Variants in FGD4 observed in about 807,000 individuals in gnomAD.
FGD4 encodes FYVE, RhoGEF and PH domain-containing protein 4.
FGD4 carries 42 observed loss-of-function variants against 102.0 expected under a neutral mutation model. That is an observed-to-expected ratio of 0.41 (90% CI 0.32 to 0.53). The LOEUF is 0.53. Ranked by LOEUF, FGD4 falls within the 20% of genes least tolerant of loss-of-function variation. The pLI is 0.21. For missense variants in FGD4, 902 were observed against 1,078.2 expected (o/e 0.84, Z 2.29); for synonymous variants, 380 against 375.7 (o/e 1.01, Z -0.13).
chr12:32,489,989 A>G (rs890469074), intron 1 of FGD4, among the ~76,000 whole-genome samples: 1 of 152,028 alleles, frequency 6.6e-6, no homozygotes, highest in Admixed American at 6.6e-5. Flanking sequence ...CTTTTCCTTT[A>G]CAGGTAGGTC....
At chr12:32,637,104 G>A (rs1394727576) in intron 15 of FGD4, among the ~76,000 whole-genome samples, 1 of 135,778 alleles carries the variant, frequency 7.4e-6, no homozygotes, top group Non-Finnish European at 1.5e-5. Flanking sequence ...GGCCAGGCTT[G>A]TCTCAAACTC....
intron 1 of FGD4, among the ~76,000 whole-genome samples, chr12:32,505,411 G>A (rs1012762551): frequency 4.6e-5 from 7 of 152,324 alleles, no homozygotes; most frequent in African/African-American, 1.7e-4. Context: ...GGTTTCATTT[G>A]GCAGGCTTTT....
intron 1 of FGD4, among the ~76,000 whole-genome samples, chr12:32,538,296 TAC>T (rs1942486993): frequency 1.3e-5 from 2 of 152,360 alleles, no homozygotes; most frequent in South Asian, 4.1e-4. Context: ...AACTAATAGA[TAC>T]TGGGTGCTTT....
intron 1 of FGD4, among the ~76,000 whole-genome samples, chr12:32,410,931 C>CT (rs747780109): frequency 0.11 from 13,412 of 126,856 alleles, 2,331 homozygotes; most frequent in African/African-American, 0.36. Flanking sequence ...TTTTTTTTTT[C>CT]TTTTTTTTTT....
chr12:32,425,176 G>A (rs1188147757), intron 1 of FGD4, among the ~76,000 whole-genome samples: 1 of 152,168 alleles, frequency 6.6e-6, no homozygotes, highest in Non-Finnish European at 1.5e-5. Flanking sequence ...TATTGCTTAG[G>A]TTTTCTTCTA....
intron 1 of FGD4, among the ~76,000 whole-genome samples, chr12:32,403,427 T>C (rs1039086567): frequency 8.5e-5 from 13 of 152,102 alleles, no homozygotes; most frequent in Non-Finnish European, 7.3e-5. Context: ...CGTTTCTTCA[T>C]CTGGACAACA....
chr12:32,505,933 TC>T (rs1221666831), intron 1 of FGD4, among the ~76,000 whole-genome samples: 2 of 152,212 alleles, frequency 1.3e-5, no homozygotes, highest in Non-Finnish European at 2.9e-5. Context: ...ATTTTTAGAT[TC>T]CTGTTATACA....
At chr12:32,469,011 A>G (rs932713581) in intron 1 of FGD4, among the ~76,000 whole-genome samples, 5 of 151,832 alleles carry the variant, frequency 3.3e-5, no homozygotes, top group African/African-American at 1.2e-4. Flanking sequence ...TTTTTAGTAG[A>G]GACGGGGTTT....
chr12:32,455,645 A>ATGTG (rs1336004624), intron 1 of FGD4, among the ~76,000 whole-genome samples: 3 of 152,122 alleles, frequency 2.0e-5, no homozygotes, highest in Non-Finnish European at 4.4e-5. Flanking sequence ...ATTTGAGGGT[A>ATGTG]TGTGATTTTT....
At chr12:32,541,265 A>G (rs1388787756) in intron 1 of FGD4, among the ~76,000 whole-genome samples, 1 of 152,222 alleles carries the variant, frequency 6.6e-6, no homozygotes, top group East Asian at 1.9e-4. Context: ...TGGGTCTAGA[A>G]AAAATGTGAG....
chr12:32,562,186 T>C (rs1364887251), intron 1 of FGD4, among the ~76,000 whole-genome samples: 2 of 152,194 alleles, frequency 1.3e-5, no homozygotes, highest in African/African-American at 4.8e-5. Flanking sequence ...TTCCTTCGCC[T>C]ACATTGTAGC....
intron 1 of FGD4, among the ~76,000 whole-genome samples, chr12:32,468,538 G>A (rs1013263440): frequency 6.6e-6 from 1 of 151,964 alleles, no homozygotes; most frequent in African/African-American, 2.4e-5. Flanking sequence ...GTGCCTTTAC[G>A]TTAATATTTT....
At chr12:32,455,118 A>G (rs535035438) in intron 1 of FGD4, among the ~76,000 whole-genome samples, 35 of 152,282 alleles carry the variant, frequency 2.3e-4, no homozygotes, top group African/African-American at 7.9e-4. Context: ...GGAAGATTGC[A>G]TTGTTCTTGT....
At chr12:32,515,040 A>G (rs115023279) in intron 1 of FGD4, among the ~76,000 whole-genome samples, 132 of 152,232 alleles carry the variant, frequency 8.7e-4, no homozygotes, top group African/African-American at 3.1e-3. Flanking sequence ...TACTCACCTT[A>G]TATCCCCAGC....
intron 1 of FGD4, among the ~76,000 whole-genome samples, chr12:32,434,641 A>C (rs766156751): frequency 1.3e-5 from 2 of 152,202 alleles, no homozygotes; most frequent in African/African-American, 2.4e-5. Flanking sequence ...TGATTTCTTC[A>C]TGAATGTCAT....
At chr12:32,465,840 G>A (rs934727585) in intron 1 of FGD4, among the ~76,000 whole-genome samples, 5 of 152,100 alleles carry the variant, frequency 3.3e-5, no homozygotes, top group African/African-American at 4.8e-5. Context: ...ATGCAGTGGT[G>A]CAGTCACTGG....
Position 32,598,557 on chromosome 12 carries a change from T to TA in FGD4, c.1073dup (p.Tyr358Ter). Reference protein sequence around the residue: ...ANELLLTERAYVNRLDLLDQV... With the variant: ...ANELLLTERA ...TGAACTTTTGCTTACTGAAAGAGCT[T>TA]ATGTCAACCGACTTGACCTCTTAGA... Residue 358 changes from tyrosine to a stop codon, truncating the protein, a stop_gained and frameshift_variant, in exon 5 of 17, where the codon TAT (tyrosine) becomes TAAT (stop). Coordinates refer to ENST00000534526, the MANE Select transcript of FGD4 (RefSeq NM_001370298.3). LOFTEE classifies it high-confidence loss of function. 1 of 1,613,844 alleles carries TA rather than the reference T, an allele frequency of 6.2e-7. No homozygotes were observed. Among genetic ancestry groups the TA allele is most frequent in the Non-Finnish European group, 8.5e-7 (1 of 1,179,892 alleles).
At chr12:32,555,479 T>TG (rs1393412515) in intron 1 of FGD4, among the ~76,000 whole-genome samples, 1 of 151,642 alleles carries the variant, frequency 6.6e-6, no homozygotes, top group Non-Finnish European at 1.5e-5. Context: ...TCTCAACATG[T>TG]GGAAGGCATG....
At chr12:32,459,109 T>C (rs985849834) in intron 1 of FGD4, among the ~76,000 whole-genome samples, 6 of 152,112 alleles carry the variant, frequency 3.9e-5, no homozygotes, top group Non-Finnish European at 8.8e-5. Context: ...TTTGAAGTAT[T>C]TAGACAGCAG....
Sources: gnomAD v4.1 joint callset for allele counts (sites outside exome capture counted in the v4.1 genomes callset) on GRCh38, gnomAD v4.1.1 for gene constraint, MANE v1.5 for transcripts, NCBI Gene and HGNC (gene_info 2026-07-23, HGNC 2026-07-21) for gene names.